The following NSD1 variants were observed in gnomAD, a reference collection of about 807,000 sequenced individuals.
NSD1 encodes the protein histone-lysine N-methyltransferase, H3 lysine-36 specific.
Under a neutral mutation model 242.7 loss-of-function variants are expected in NSD1, and 26 were observed. The observed-to-expected ratio is 0.11, with a 90% CI of 0.08 to 0.15. The LOEUF (loss-of-function observed/expected upper bound fraction) is 0.15. Ranked by LOEUF, NSD1 falls within the 10% of genes least tolerant of loss-of-function variation. NSD1 has a pLI of 1.00. For synonymous variants in NSD1, 1,106 were observed against 1,178.1 expected, an observed-to-expected ratio of 0.94 and a Z score of 1.25; for missense variants, 2,495 against 3,272.8, an observed-to-expected ratio of 0.76 and a Z score of 5.80.
At chr5:177,252,220 A>G (rs865967057) in intron 12 of NSD1, among the ~76,000 whole-genome samples, 4 of 152,196 alleles carry the variant, frequency 2.6e-5, no homozygotes, top group Non-Finnish European at 2.9e-5. Flanking sequence ...AATATGGAAT[A>G]CAGGCCAATG....
chr5:177,237,738 G>T (rs1765568084), intron 6 of NSD1, among the ~76,000 whole-genome samples: 1 of 151,696 alleles, frequency 6.6e-6, no homozygotes, highest in African/African-American at 2.4e-5. Flanking sequence ...TTTCACCATG[G>T]TAGCCAGGAT....
intron 5 of NSD1, among the ~76,000 whole-genome samples, chr5:177,221,969 C>T (rs574098279): frequency 4.3e-4 from 65 of 151,964 alleles, no homozygotes; most frequent in African/African-American, 1.2e-3. Context: ...GCCACTATGC[C>T]GAGCTGAGTT....
At chr5:177,217,470 TA>T (rs1763866426) in intron 5 of NSD1, among the ~76,000 whole-genome samples, 2 of 152,162 alleles carry the variant, frequency 1.3e-5, no homozygotes, top group Non-Finnish European at 2.9e-5. Context: ...ATTGCCTAAT[TA>T]CTCTGCTAGG....
chr5:177,293,719 G>A, intron 22 of NSD1, 113 bp from the exon 23 acceptor site: 2 of 1,168,102 alleles, frequency 1.7e-6, no homozygotes, highest in Non-Finnish European at 2.5e-6. Context: ...CTCTGAAGCA[G>A]GGACAGTGTG....
intron 17 of NSD1, among the ~76,000 whole-genome samples, chr5:177,277,086 G>A (rs1321413251): frequency 6.6e-6 from 1 of 151,376 alleles, no homozygotes; most frequent in Non-Finnish European, 1.5e-5. Context: ...AGTTTCCTGT[G>A]AGTGATCTCA....
intron 12 of NSD1, 43 bp from the exon 13 acceptor site, chr5:177,256,908 G>A: frequency 1.3e-6 from 2 of 1,541,126 alleles, no homozygotes; most frequent in Admixed American, 1.7e-5. Flanking sequence ...GCATTTGGTA[G>A]ATTCTTGAAT....
intron 5 of NSD1, among the ~76,000 whole-genome samples, chr5:177,224,381 TAAAA>T (rs939297547): frequency 7.2e-5 from 11 of 152,154 alleles, no homozygotes; most frequent in African/African-American, 2.4e-4. Context: ...ATTCTGCACT[TAAAA>T]AAATTTATTC....
intron 10 of NSD1, among the ~76,000 whole-genome samples, chr5:177,247,501 A>T (rs1235547868): frequency 6.6e-6 from 1 of 150,476 alleles, no homozygotes; most frequent in Non-Finnish European, 1.5e-5. Flanking sequence ...CTGAGGTGGG[A>T]GGATCATATG....
chr5:177,195,196 A>G (rs950387301), intron 3 of NSD1, among the ~76,000 whole-genome samples: 3 of 151,462 alleles, frequency 2.0e-5, no homozygotes, highest in Non-Finnish European at 4.4e-5. Context: ...AAAATTTAAT[A>G]CCTTGACCAG....
intron 2 of NSD1, among the ~76,000 whole-genome samples, chr5:177,155,340 C>T (rs1758041928): frequency 6.6e-6 from 1 of 151,758 alleles, no homozygotes; most frequent in Non-Finnish European, 1.5e-5. Context: ...ATTGGTCAGG[C>T]TGGTCTGGAA....
At position 177,238,812 on chromosome 5, in the gene NSD1, C is replaced by G. The variant is rs977603188; in HGVS notation, c.4192+305C>G. 1.1e-4 allele frequency among the ~76,000 whole-genome samples: 17 copies of G among 152,326 alleles called. No homozygotes were observed. The highest frequency in any genetic ancestry group is 6.8e-3 in the Middle Eastern group (2 of 294). ...ACAGGGCTTCAAGAGGAGTACTGCA[C>G]ATTAGTGGAATAAGCACTATGCTTC... On this transcript the variant is annotated intron_variant, in intron 7 of 22. Coordinates refer to ENST00000439151, the MANE Select transcript of NSD1 (RefSeq NM_022455.5). This position sits in a 1 kb window ranked among gnomAD's most constrained non-coding sequence, Gnocchi z 4.6.
chr5:177,153,095 T>C (rs554026946), intron 2 of NSD1, among the ~76,000 whole-genome samples: 1 of 152,274 alleles, frequency 6.6e-6, no homozygotes, highest in Non-Finnish European at 1.5e-5. Context: ...GGGCAGGTCA[T>C]TAAACCACTG....
intron 3 of NSD1, among the ~76,000 whole-genome samples, chr5:177,197,398 G>A (rs1250976520): frequency 6.6e-6 from 1 of 152,214 alleles, no homozygotes; most frequent in Non-Finnish European, 1.5e-5. Context: ...CGAGGCAGGC[G>A]GATCACAAGG....
At chr5:177,171,513 T>C (rs528804762) in intron 2 of NSD1, among the ~76,000 whole-genome samples, 3 of 152,326 alleles carry the variant, frequency 2.0e-5, no homozygotes, top group East Asian at 3.9e-4. Context: ...ATTTAGCATG[T>C]ATCAGCGGCC....
intron 3 of NSD1, among the ~76,000 whole-genome samples, chr5:177,203,570 G>A (rs1410718129): frequency 6.6e-6 from 1 of 152,136 alleles, no homozygotes; most frequent in African/African-American, 2.4e-5. Flanking sequence ...TATTTTGGGG[G>A]TGTGGTTGTG....
At chr5:177,277,317 C>G (rs1314019594) in intron 17 of NSD1, among the ~76,000 whole-genome samples, 1 of 152,116 alleles carries the variant, frequency 6.6e-6, no homozygotes, top group Non-Finnish European at 1.5e-5. Context: ...ATATGAAATT[C>G]AACTTTCAAT....
Position 177,149,375 on chromosome 5 carries a change from C to T in NSD1, c.927+13345C>T, listed in dbSNP as rs244732. On this transcript the variant is annotated intron_variant, in intron 2 of 22. Transcript: ENST00000439151. The stretch of plus-strand genomic sequence containing the variant: ...CTGGGATTATAGGTGTGCATCACCA[C>T]GCCTGGCTAATTTTTGTATTTTTTA... Among the ~76,000 whole-genome samples the T allele has an allele frequency of 3.6e-3, 534 of 150,408 alleles. 1 individual carries two copies. Among genetic ancestry groups the T allele is most frequent in the Non-Finnish European group, 5.5e-3 (374 of 67,456 alleles).
At chr5:177,177,574 T>A (rs1487388603) in intron 2 of NSD1, among the ~76,000 whole-genome samples, 3 of 151,956 alleles carry the variant, frequency 2.0e-5, no homozygotes, top group African/African-American at 4.8e-5. Flanking sequence ...TGCTTGAGCC[T>A]GGGAGGTTGA....
Position 177,269,499 on chromosome 5 carries a change from G to T in NSD1, c.5304-103G>T. 1 of 991,612 alleles carries T rather than the reference G, an allele frequency of 1.0e-6. No individual in the cohort carries two copies. 61.4% of individuals were successfully genotyped at this position (991,612 alleles called of 1,614,324 possible). A position where few individuals can be genotyped will look rare whatever the true frequency, so the allele number is the denominator to read the frequency against. ...AATGCCGTAAGATGGACTTTAATGT[G>T]GACAGACAGACATTGCTAATCCTTA... On this transcript the variant is annotated intron_variant, in intron 15 of 22. Transcript: ENST00000439151. The surrounding 1 kb of genome is among the most constrained non-coding windows in gnomAD (Gnocchi z 5.1).
Sources: gnomAD v4.1 joint callset for allele counts (sites outside exome capture counted in the v4.1 genomes callset) on GRCh38, gnomAD v4.1.1 for gene constraint, Gnocchi (gnomAD v3.1) non-coding constraint, MANE v1.5 for transcripts, NCBI Gene and HGNC (gene_info 2026-07-23, HGNC 2026-07-21) for gene names.